Variants in PIK3C2G observed in about 807,000 individuals in gnomAD.
PIK3C2G encodes the protein phosphatidylinositol 3-kinase C2 domain-containing subunit gamma.
PIK3C2G carries 168 observed loss-of-function variants against 181.1 expected under a neutral mutation model. The ratio of observed to expected loss-of-function variants is 0.93; its 90% confidence interval spans 0.82 to 1.05. The LOEUF is 1.05. Among genes scored for constraint, PIK3C2G ranks in the 50% least tolerant of loss-of-function variants. PIK3C2G has a pLI of 0.00. For missense variants in PIK3C2G, 1,869 were observed against 1,732.8 expected (o/e 1.08, Z -1.40); for synonymous variants, 573 against 592.2 (o/e 0.97, Z 0.47).
At chr12:18,346,938 A>G (rs1939725948) in intron 11 of PIK3C2G, 102 bp downstream of exon 11, 1 of 669,548 alleles carries the variant, frequency 1.5e-6, no homozygotes, top group South Asian at 3.4e-5. Context: ...AGATTTCATA[A>G]AATTTTGGAA....
intron 16 of PIK3C2G, among the ~76,000 whole-genome samples, chr12:18,414,594 T>C (rs1945065771): frequency 6.6e-6 from 1 of 152,118 alleles, no homozygotes; most frequent in African/African-American, 2.4e-5. Flanking sequence ...TTTTAGACAT[T>C]TATATTATTC....
At chr12:18,710,050 T>C in the PIK3C2G span, among the ~76,000 whole-genome samples, 1 of 151,886 alleles carries the variant, frequency 6.6e-6, no homozygotes, top group South Asian at 2.1e-4. Flanking sequence ...TAACAGGGTT[T>C]TTTGTGTGGA....
chr12:18,557,232 T>A (rs1205367886), intron 26 of PIK3C2G, among the ~76,000 whole-genome samples: 1 of 151,990 alleles, frequency 6.6e-6, no homozygotes, highest in East Asian at 1.9e-4. Flanking sequence ...ATAATAAAGC[T>A]CTCTAATTAA....
At chr12:18,306,473 T>G (rs1367856764) in intron 5 of PIK3C2G, among the ~76,000 whole-genome samples, 1 of 152,070 alleles carries the variant, frequency 6.6e-6, no homozygotes, top group Non-Finnish European at 1.5e-5. Context: ...ACTGGTTTAG[T>G]GAAACAACGT....
chr12:18,284,644 A>G (rs1219437689), intron 2 of PIK3C2G, among the ~76,000 whole-genome samples: 1 of 152,190 alleles, frequency 6.6e-6, no homozygotes, highest in Non-Finnish European at 1.5e-5. Flanking sequence ...TGGCTAGCCT[A>G]GTGATGATCT....
chr12:18,677,791 A>T, the PIK3C2G span, among the ~76,000 whole-genome samples: 1 of 152,132 alleles, frequency 6.6e-6, no homozygotes, highest in Admixed American at 6.6e-5. Flanking sequence ...TTTTCTAAAC[A>T]TGTAGATAGA....
At chr12:18,283,979 T>C (rs1191443669) in intron 2 of PIK3C2G, among the ~76,000 whole-genome samples, 2 of 152,080 alleles carry the variant, frequency 1.3e-5, no homozygotes, top group African/African-American at 4.8e-5. Context: ...AGCAGCAGTA[T>C]CACTGACTGC....
At chr12:18,514,163 T>C (rs1942383617) in intron 24 of PIK3C2G, among the ~76,000 whole-genome samples, 1 of 151,894 alleles carries the variant, frequency 6.6e-6, no homozygotes, top group South Asian at 2.1e-4. Context: ...CTGTAGTTGA[T>C]TTCTAGTTTT....
intron 5 of PIK3C2G, among the ~76,000 whole-genome samples, chr12:18,303,115 CTTCT>C (rs71061296): frequency 1.1e-3 from 149 of 136,722 alleles, no homozygotes; most frequent in African/African-American, 2.5e-3. Flanking sequence ...TCTTTCTTTC[CTTCT>C]TTCTTTCTTT....
chr12:18,504,223 A>G (rs2136116094), intron 23 of PIK3C2G, among the ~76,000 whole-genome samples: 1 of 152,332 alleles, frequency 6.6e-6, no homozygotes, highest in East Asian at 1.9e-4. Flanking sequence ...GAGTTCATCT[A>G]TTCCACACTT....
At chr12:18,275,709 T>A (rs1433368450) in intron 1 of PIK3C2G, among the ~76,000 whole-genome samples, 1 of 152,158 alleles carries the variant, frequency 6.6e-6, no homozygotes, top group East Asian at 1.9e-4. Context: ...CTCCTGTTTT[T>A]CTCCCTTCTT....
chr12:18,305,816 G>A (rs11044018), intron 5 of PIK3C2G, among the ~76,000 whole-genome samples: 1 of 151,846 alleles, frequency 6.6e-6, no homozygotes, highest in East Asian at 1.9e-4. Context: ...TTGATCTCCT[G>A]GTATAATTAC....
the PIK3C2G span, among the ~76,000 whole-genome samples, chr12:18,665,138 C>T: frequency 6.7e-6 from 1 of 150,238 alleles, no homozygotes; most frequent in Admixed American, 6.6e-5. Context: ...GCACATGTAC[C>T]CTAAAACTTA....
intron 18 of PIK3C2G, among the ~76,000 whole-genome samples, chr12:18,482,931 A>G (rs1939699096): frequency 1.3e-5 from 2 of 152,150 alleles, no homozygotes; most frequent in Admixed American, 1.3e-4. Context: ...ACCCTTGAAG[A>G]GTTATCTGAC....
chr12:18,364,836 T>G (rs1941523651), intron 12 of PIK3C2G, among the ~76,000 whole-genome samples: 1 of 152,128 alleles, frequency 6.6e-6, no homozygotes, highest in Admixed American at 6.5e-5. Flanking sequence ...AGACAGAGGT[T>G]GCAGTGAGCC....
chr12:18,584,038 T>C (rs895638007), intron 29 of PIK3C2G, among the ~76,000 whole-genome samples: 46 of 151,930 alleles, frequency 3.0e-4, no homozygotes, highest in African/African-American at 9.6e-4. Context: ...TTTTTTTGTT[T>C]TTTTTTTTGA....
intron 16 of PIK3C2G, among the ~76,000 whole-genome samples, chr12:18,406,018 A>G (rs56057578): frequency 0.11 from 16,456 of 152,064 alleles, 1,206 homozygotes; most frequent in Admixed American, 0.26. Flanking sequence ...TTTGACAACA[A>G]TCTCCTCTTT....
At chr12:18,615,180 C>T (rs1047574168) in intron 31 of PIK3C2G, among the ~76,000 whole-genome samples, 5 of 151,916 alleles carry the variant, frequency 3.3e-5, no homozygotes, top group Non-Finnish European at 7.4e-5. Context: ...TTTGTGTCCT[C>T]ATAGCTTAGC....
intron 12 of PIK3C2G, among the ~76,000 whole-genome samples, chr12:18,363,893 T>C (rs948891631): frequency 4.6e-5 from 7 of 152,320 alleles, no homozygotes; most frequent in Admixed American, 2.6e-4. Context: ...TGCCTTCTTA[T>C]AGGACCATGA....
Sources: allele counts gnomAD v4.1 joint callset (sites outside exome capture counted in the v4.1 genomes callset), GRCh38; gene constraint gnomAD v4.1.1; transcripts MANE v1.5; gene names NCBI Gene and HGNC (gene_info 2026-07-23, HGNC 2026-07-21).